Variants in TARS3 observed in about 807,000 individuals in gnomAD.
The protein encoded by TARS3 is threonyl-tRNA synthetase 3, also known as threonine--tRNA ligase 2, cytoplasmic.
In TARS3, 94 loss-of-function variants were observed where a neutral mutation model predicts 103.5. That is an observed-to-expected ratio of 0.91 (90% CI 0.77 to 1.08). TARS3 has a LOEUF of 1.08. Ranked by LOEUF, TARS3 falls within the 50% of genes least tolerant of loss-of-function variation. TARS3 has a pLI of 0.00. For synonymous variants in TARS3, 416 were observed against 355.4 expected (o/e 1.17, Z -1.92); for missense variants, 952 against 995.2 (o/e 0.96, Z 0.58).
chr15:101,694,969 G>A (rs770774283), intron 10 of TARS3, among the ~76,000 whole-genome samples: 47 of 152,206 alleles, frequency 3.1e-4, no homozygotes, highest in Admixed American at 1.2e-3. Flanking sequence ...GGCGAGTTTC[G>A]GATTTGCAAC....
intron 5 of TARS3, among the ~76,000 whole-genome samples, chr15:101,709,417 T>A (rs1038581297): frequency 3.3e-5 from 5 of 152,128 alleles, no homozygotes; most frequent in Non-Finnish European, 5.9e-5. Flanking sequence ...CCTGCCACAC[T>A]AGCTTCCTTG....
At chr15:101,698,488 A>C (rs1567344256) in intron 10 of TARS3, among the ~76,000 whole-genome samples, 1 of 152,174 alleles carries the variant, frequency 6.6e-6, no homozygotes, top group Admixed American at 6.5e-5. Flanking sequence ...GATCTTAATC[A>C]AAGTGTATCT....
chr15:101,723,862 A>C (rs1900615770), intron 1 of TARS3, among the ~76,000 whole-genome samples: 1 of 152,238 alleles, frequency 6.6e-6, no homozygotes, highest in Non-Finnish European at 1.5e-5. Flanking sequence ...TAATGGACGA[A>C]TTGAGAAATC....
intron 8 of TARS3, among the ~76,000 whole-genome samples, chr15:101,703,184 C>A (rs139615681): frequency 6.6e-6 from 1 of 152,344 alleles, no homozygotes; most frequent in Non-Finnish European, 1.5e-5. Context: ...CATATCCCCT[C>A]CTGCTGTTTT....
At chr15:101,681,330 G>A (rs1034007523) in intron 12 of TARS3, among the ~76,000 whole-genome samples, 1 of 152,178 alleles carries the variant, frequency 6.6e-6, no homozygotes, top group Non-Finnish European at 1.5e-5. Flanking sequence ...CTTGGGTATT[G>A]ACTGGGATTG....
intron 6 of TARS3, among the ~76,000 whole-genome samples, chr15:101,706,382 C>T (rs769690817): frequency 2.0e-5 from 3 of 152,110 alleles, no homozygotes; most frequent in South Asian, 2.1e-4. Context: ...GAAAATCATT[C>T]GTTAATCATT....
Position 101,701,186 on chromosome 15 carries a change from T to C in TARS3, c.1222-2A>G. 7 of 1,583,848 alleles carry C rather than the reference T, an allele frequency of 4.4e-6. No individual in the cohort carries two copies. The highest frequency in any genetic ancestry group is 6.0e-6 in the Non-Finnish European group (7 of 1,169,420). On this transcript the variant is annotated splice_acceptor_variant, in intron 9 of 18. Coordinates refer to ENST00000335968, the MANE Select transcript of TARS3 (RefSeq NM_152334.3). LOFTEE classifies it high-confidence loss of function. Reference sequence around the variant, plus strand: ...GTGGAAAAAGAAAAGTTCTTGTTCCTAGATTGAAACAAAAATTGCATTTCA... The same window carrying C: ...GTGGAAAAAGAAAAGTTCTTGTTCCCAGATTGAAACAAAAATTGCATTTCA...
Position 101,689,412 on chromosome 15 carries a change from T to A in TARS3, c.1321-3350A>T, listed in dbSNP as rs552677823. Among the ~76,000 whole-genome samples the A allele has an allele frequency of 1.2e-4, 19 of 152,310 alleles. No homozygotes were observed. In the South Asian group the frequency reaches 3.9e-3, roughly 32 times the overall value. ...ATTTTGAAGTCCTAACTCCTAGTAC[T>A]TCAGAATGTGTCCTTATTTGGAAGT... On this transcript the variant is annotated intron_variant, in intron 10 of 18. Coordinates refer to ENST00000335968, the MANE Select transcript of TARS3 (RefSeq NM_152334.3).
At chr15:101,693,511 C>A (rs1247968401) in intron 10 of TARS3, among the ~76,000 whole-genome samples, 1 of 152,114 alleles carries the variant, frequency 6.6e-6, no homozygotes, top group African/African-American at 2.4e-5. Flanking sequence ...GTGGACACAG[C>A]CAAACCATAT....
At chr15:101,680,649 G>A (rs1188816751) in intron 12 of TARS3, among the ~76,000 whole-genome samples, 1 of 152,084 alleles carries the variant, frequency 6.6e-6, no homozygotes, top group Admixed American at 6.5e-5. Flanking sequence ...GTTTAACTGG[G>A]TTGTCTGTTT....
chr15:101,724,211 G>A lies in TARS3; in HGVS notation c.177C>T (p.Ala59=), dbSNP rs889231018. ...CLTREVAQLR[A]ENCDLRHRLC... is the part of the protein sequence containing the mutation. ...GGCGGTGGCGCAGGTCGCAGTTCTC[G>A]GCCCGGAGCTGCGCCACCTCCCGCG... Residue 59 remains alanine, a synonymous_variant, in exon 1 of 19, where the codon GCC becomes GCT. Coordinates refer to ENST00000335968, the MANE Select transcript of TARS3 (RefSeq NM_152334.3). The A allele has an allele frequency of 1.3e-6, 2 of 1,531,352 alleles. No homozygotes were observed. The highest frequency in any genetic ancestry group is 1.2e-5 in the South Asian group (1 of 83,064). The allele number at this position is 1,531,352 out of a possible 1,614,324, so 94.9% of individuals were successfully genotyped here.
chr15:101,697,608 C>T (rs1368588380), intron 10 of TARS3, among the ~76,000 whole-genome samples: 2 of 152,024 alleles, frequency 1.3e-5, no homozygotes, highest in African/African-American at 4.8e-5. Flanking sequence ...TAGACTGTAC[C>T]AAAAAAGACT....
intron 10 of TARS3, among the ~76,000 whole-genome samples, chr15:101,687,253 A>T (rs1898514656): frequency 6.6e-6 from 1 of 152,042 alleles, no homozygotes; most frequent in Admixed American, 6.5e-5. Flanking sequence ...AAATACAAAA[A>T]TTAGCCAGGC....
intron 15 of TARS3, among the ~76,000 whole-genome samples, chr15:101,667,665 G>C (rs1897633682): frequency 6.6e-6 from 1 of 152,062 alleles, no homozygotes; most frequent in African/African-American, 2.4e-5. Flanking sequence ...CTGCCTTCTG[G>C]ATTCACATGA....
chr15:101,671,107 A>T (rs1314184859), intron 15 of TARS3, among the ~76,000 whole-genome samples: 1 of 152,136 alleles, frequency 6.6e-6, no homozygotes, highest in Non-Finnish European at 1.5e-5. Flanking sequence ...TTTTTAAAGA[A>T]GTTGTTGGTT....
At chr15:101,674,898 A>G (rs982698985) in intron 13 of TARS3, among the ~76,000 whole-genome samples, 3 of 152,150 alleles carry the variant, frequency 2.0e-5, no homozygotes, top group Non-Finnish European at 4.4e-5. Context: ...ATTGCCATCA[A>G]TTTGGTACCA....
rs1257815333 is a variant in TARS3 at position 101,685,900 on chromosome 15, G to A, written c.1483C>T (p.His495Tyr). 7.4e-6 allele frequency: 12 copies of A among 1,613,624 alleles called. No homozygotes were observed. Among genetic ancestry groups the A allele is most frequent in the Non-Finnish European group, 9.3e-6 (11 of 1,179,660 alleles). ...TGCTTCGCTTTTAATACTCACCAGT[G>A]CCCTGGACAATTCATGGGTTTGAGG... ...FALKPMNCPG[H>Y]CLMFAHRPRS... The change falls in exon 11 of 19, where the codon CAC becomes TAC. Residue 495 changes from histidine (H) to tyrosine (Y), a missense_variant. Around this residue, in one of 2 missense-constraint regions of TARS3, gnomAD observed 540 missense variants for 631.0 expected, o/e 0.86. Transcript: ENST00000335968.
At chr15:101,723,011 T>G in intron 2 of TARS3, 82 bp downstream of exon 2, 1 of 1,280,562 alleles carries the variant, frequency 7.8e-7, no homozygotes, top group South Asian at 1.3e-5. Context: ...TAATTTTTAT[T>G]GGAAATCCTA....
chr15:101,664,927 CAG>C (rs71790544), intron 15 of TARS3, among the ~76,000 whole-genome samples: 24,092 of 152,108 alleles, frequency 0.16, 2,323 homozygotes, highest in Non-Finnish European at 0.22. Flanking sequence ...ACACGAACAA[CAG>C]AGATTGTAGA....
Sources: gnomAD v4.1 joint callset for allele counts (sites outside exome capture counted in the v4.1 genomes callset) on GRCh38, gnomAD v4.1.1 for gene constraint, gnomAD v4.1.1 regional missense constraint, MANE v1.5 for transcripts, NCBI Gene and HGNC (gene_info 2026-07-23, HGNC 2026-07-21) for gene names.